STK35: variants seen among roughly 807,000 people sequenced by gnomAD.
STK35 encodes the protein serine/threonine kinase 35.
A neutral mutation model predicts 37.3 loss-of-function variants in STK35; 17 were observed. The ratio of observed to expected loss-of-function variants is 0.46; its 90% CI spans 0.31 to 0.68. The LOEUF is 0.68. Ranked by LOEUF, STK35 falls within the 30% of genes least tolerant of loss-of-function variation. STK35 has a pLI of 0.05. For missense variants in STK35, 595 were observed against 746.7 expected (o/e 0.80, Z 2.37); for synonymous variants, 385 against 319.1 (o/e 1.21, Z -2.20).
intron 2 of STK35, 97 bp downstream of exon 2, chr20:2,103,462 G>A (rs1985449515): frequency 8.3e-7 from 1 of 1,200,634 alleles, no homozygotes; most frequent in Admixed American, 2.5e-5. Flanking sequence ...CTAGGCCTCA[G>A]ACCTGGTCCC....
chr20:2,127,524 A>G (rs1227550864), intron 3 of STK35, among the ~76,000 whole-genome samples: 2 of 152,228 alleles, frequency 1.3e-5, no homozygotes, highest in African/African-American at 2.4e-5. Flanking sequence ...AGAACAGCAG[A>G]AATAAGTGAT....
intron 3 of STK35, among the ~76,000 whole-genome samples, chr20:2,129,375 T>C (rs1246961277): frequency 6.6e-6 from 1 of 152,088 alleles, no homozygotes; most frequent in Non-Finnish European, 1.5e-5. Context: ...GGCAGAGGCC[T>C]GCCAGGCACG....
In STK35 at chr20:2,147,555, AG is replaced by A. The variant is rs1423969183; in HGVS notation, c.*3812del. 6.6e-6 allele frequency: 1 copy of A among 152,138 alleles called. No homozygotes were observed. The highest frequency in any genetic ancestry group is 2.4e-5 in the African/African-American group (1 of 41,382). The allele number at this position is 152,138 out of a possible 1,614,324, so 9.4% of individuals were successfully genotyped here. ...GGAGTCAGGCTGCCACCCCCTAAGG[AG>A]GGACCCTAACGTTCTGCCCTTGCCT... On this transcript the variant is annotated 3_prime_UTR_variant, in exon 4 of 4. Coordinates refer to ENST00000381482, the MANE Select transcript of STK35 (RefSeq NM_080836.4).
intron 3 of STK35, among the ~76,000 whole-genome samples, chr20:2,141,218 T>C (rs1391604252): frequency 6.6e-6 from 1 of 152,242 alleles, no homozygotes; most frequent in African/African-American, 2.4e-5. Flanking sequence ...TTGAGATGGC[T>C]GCTGAATCAT....
intron 1 of STK35, 62 bp downstream of exon 1, chr20:2,102,237 C>A (rs1240213037): frequency 7.3e-7 from 1 of 1,379,176 alleles, no homozygotes; most frequent in African/African-American, 1.5e-5. Context: ...CCACTGCCTC[C>A]GCGCTTGGGA....
At chr20:2,102,207 C>T in intron 1 of STK35, 32 bp downstream of exon 1, 2 of 1,364,148 alleles carry the variant, frequency 1.5e-6, no homozygotes, top group Non-Finnish European at 1.9e-6. Flanking sequence ...TGAAGGCCAG[C>T]GCCGAGGCTG....
chr20:2,132,190 A>C (rs1342177565), intron 3 of STK35, among the ~76,000 whole-genome samples: 1 of 152,220 alleles, frequency 6.6e-6, no homozygotes, highest in African/African-American at 2.4e-5. Flanking sequence ...GCTACCAAAG[A>C]GAGTTCATCT....
At chr20:2,118,664 AT>A (rs1985763783) in intron 3 of STK35, among the ~76,000 whole-genome samples, 1 of 152,286 alleles carries the variant, frequency 6.6e-6, no homozygotes, top group Non-Finnish European at 1.5e-5. Context: ...TCAAAAAGGA[AT>A]GGCCTATATG....
chr20:2,120,264 T>A (rs1985793371), intron 3 of STK35, among the ~76,000 whole-genome samples: 1 of 152,222 alleles, frequency 6.6e-6, no homozygotes, highest in South Asian at 2.1e-4. Flanking sequence ...CACTTGAGAT[T>A]TGTGCTGTTT....
intron 3 of STK35, among the ~76,000 whole-genome samples, chr20:2,132,314 G>A (rs1331366362): frequency 6.6e-6 from 1 of 152,246 alleles, no homozygotes; most frequent in African/African-American, 2.4e-5. Flanking sequence ...GACTTAAGAT[G>A]GACCTTGAAG....
chr20:2,135,716 A>G (rs1986075027), intron 3 of STK35, among the ~76,000 whole-genome samples: 1 of 152,178 alleles, frequency 6.6e-6, no homozygotes, highest in South Asian at 2.1e-4. Flanking sequence ...TACAAAAATT[A>G]GCCGGGCGTG....
intron 3 of STK35, among the ~76,000 whole-genome samples, chr20:2,138,672 A>G (rs1986126005): frequency 6.6e-6 from 1 of 152,216 alleles, no homozygotes; most frequent in South Asian, 2.1e-4. Flanking sequence ...CCAGGAGGGA[A>G]GCAATTTTTA....
chr20:2,116,559 AGTT>A (rs1985720956), intron 2 of STK35, 104 bp from the exon 3 acceptor site: 1 of 1,221,032 alleles, frequency 8.2e-7, no homozygotes, highest in Admixed American at 2.2e-5. Context: ...CCCTTGGAGC[AGTT>A]GTTTGTCACC....
chr20:2,136,521 G>A (rs561001922), intron 3 of STK35, among the ~76,000 whole-genome samples: 7 of 152,364 alleles, frequency 4.6e-5, no homozygotes, highest in Admixed American at 2.6e-4. Flanking sequence ...CTGGCTTGCC[G>A]GGATTTTCAG....
At chr20:2,128,327 CG>C (rs1405999658) in intron 3 of STK35, among the ~76,000 whole-genome samples, 1 of 152,150 alleles carries the variant, frequency 6.6e-6, no homozygotes, top group East Asian at 1.9e-4. Flanking sequence ...GTGTGAGAAT[CG>C]GGAGGGCCTG....
At chr20:2,141,142 G>A (rs1235066727) in intron 3 of STK35, among the ~76,000 whole-genome samples, 1 of 152,200 alleles carries the variant, frequency 6.6e-6, no homozygotes, top group African/African-American at 2.4e-5. Context: ...CCATCTTCAG[G>A]TTGATCTGCT....
At chr20:2,137,064 G>A (rs1028807412) in intron 3 of STK35, among the ~76,000 whole-genome samples, 7 of 152,208 alleles carry the variant, frequency 4.6e-5, no homozygotes, top group Admixed American at 2.0e-4. Context: ...TGAGGCCAAG[G>A]CATCTTTTCT....
intron 3 of STK35, among the ~76,000 whole-genome samples, chr20:2,126,703 T>C (rs1985912722): frequency 6.6e-6 from 1 of 152,170 alleles, no homozygotes; most frequent in African/African-American, 2.4e-5. Flanking sequence ...CTCCAGCGTT[T>C]CTAGGATTCA....
chr20:2,139,275 T>C (rs1440842636), intron 3 of STK35, among the ~76,000 whole-genome samples: 1 of 152,204 alleles, frequency 6.6e-6, no homozygotes, highest in Non-Finnish European at 1.5e-5. Context: ...CTCAGTCTTC[T>C]TAAACAGACC....
Sources: allele counts gnomAD v4.1 joint callset (sites outside exome capture counted in the v4.1 genomes callset), GRCh38; gene constraint gnomAD v4.1.1; transcripts MANE v1.5; gene names NCBI Gene and HGNC (gene_info 2026-07-23, HGNC 2026-07-21).